ABCG1: variants seen among roughly 807,000 people sequenced by gnomAD.
ABCG1 encodes ATP-binding cassette sub-family G member 1.
ABCG1 carries 29 observed loss-of-function variants against 69.2 expected under a neutral mutation model. The ratio of observed to expected loss-of-function variants is 0.42; its 90% CI spans 0.31 to 0.57. The LOEUF (loss-of-function observed/expected upper bound fraction) is 0.57, where lower values mean the gene tolerates loss of function less well. Among genes scored for constraint, ABCG1 ranks in the 20% least tolerant of loss-of-function variants. The pLI, the probability that ABCG1 is intolerant of heterozygous loss-of-function variation, is 0.15. For synonymous variants in ABCG1, 370 were observed against 374.8 expected (o/e 0.99, Z 0.15); for missense variants, 718 against 898.1 (o/e 0.80, Z 2.56).
intron 2 of ABCG1, chr21:42,256,404 G>A (rs1245745540): frequency 2.6e-6 from 4 of 1,550,072 alleles, no homozygotes; most frequent in African/African-American, 2.7e-5. Context: ...AGACTGTGGT[G>A]TCTGGTCCCT....
intron 7 of ABCG1, among the ~76,000 whole-genome samples, chr21:42,285,619 G>A (rs1377707142): frequency 1.3e-5 from 2 of 152,174 alleles, no homozygotes; most frequent in Non-Finnish European, 2.9e-5. Context: ...CTGAGCAGGG[G>A]GTTAGCATGA....
At chr21:42,240,598 C>T (rs747853233) in intron 2 of ABCG1, among the ~76,000 whole-genome samples, 5 of 152,158 alleles carry the variant, frequency 3.3e-5, no homozygotes, top group Non-Finnish European at 5.9e-5. Flanking sequence ...TTACAGGCGC[C>T]CATCACACCC....
At position 42,294,095 on chromosome 21, in the gene ABCG1, C is replaced by T. The variant is rs73909004; in HGVS notation, c.1654-447C>T. ...TGCTTCGGTCTCTGGGCTGCCCTCC[C>T]GGAGGTGCTGACAGGCAGGCGTCCA... is the stretch of plus-strand genomic sequence containing the variant. On this transcript the variant is annotated intron_variant, in intron 13 of 14. Transcript: ENST00000398449. Among the ~76,000 whole-genome samples, 655 of 152,324 alleles carry T rather than the reference C, an allele frequency of 4.3e-3. 6 individuals carry two copies. The highest frequency in any genetic ancestry group is 0.015 in the African/African-American group (627 of 41,578).
intron 2 of ABCG1, chr21:42,256,085 T>C (rs1283276242): frequency 8.2e-7 from 1 of 1,224,688 alleles, no homozygotes; most frequent in African/African-American, 1.5e-5. Flanking sequence ...GTGCACCCTT[T>C]CTTTCCAAGG....
intron 4 of ABCG1, among the ~76,000 whole-genome samples, chr21:42,274,779 ATTT>A (rs35280343): frequency 6.7e-6 from 1 of 148,714 alleles, no homozygotes; most frequent in African/African-American, 2.5e-5. Context: ...GGCAGGGGCC[ATTT>A]TTTTTTTTAA....
intron 1 of ABCG1, among the ~76,000 whole-genome samples, chr21:42,200,469 T>C (rs2067497381): frequency 1.3e-5 from 2 of 152,156 alleles, no homozygotes; most frequent in African/African-American, 2.4e-5. Context: ...GCAGTCTTCA[T>C]ATATCAGGGG....
chr21:42,250,402 G>T (rs998155096), intron 2 of ABCG1, among the ~76,000 whole-genome samples: 1 of 152,150 alleles, frequency 6.6e-6, no homozygotes, highest in Admixed American at 6.5e-5. Context: ...AGTGGTCTTT[G>T]GTTTCCCGTG....
intron 6 of ABCG1, 93 bp downstream of exon 6, chr21:42,282,512 C>A (rs2068831213): frequency 6.3e-6 from 9 of 1,439,972 alleles, no homozygotes; most frequent in Middle Eastern, 2.1e-4. Context: ...CCTGATGTAG[C>A]CTCAGAGGGG....
At chr21:42,226,949 G>A (rs1247681157) in intron 2 of ABCG1, among the ~76,000 whole-genome samples, 2 of 152,160 alleles carry the variant, frequency 1.3e-5, no homozygotes, top group African/African-American at 2.4e-5. Flanking sequence ...CAAGACTCAC[G>A]TTTTAAATTT....
Position 42,287,882 on chromosome 21 carries a change from C to T in ABCG1, c.974-7C>T. Reference sequence around the variant, plus strand: ...CCCGGGCTGACCCCCGTCTGTGTCTCCTGCAGTCATGGAGGTTGCATCCGG... The same window carrying T: ...CCCGGGCTGACCCCCGTCTGTGTCTTCTGCAGTCATGGAGGTTGCATCCGG... On this transcript the variant is annotated splice_region_variant and splice_polypyrimidine_tract_variant and intron_variant, in intron 8 of 14. Transcript: ENST00000398449. This position sits in a 1 kb window ranked among gnomAD's most constrained non-coding sequence, Gnocchi z 6.2. 1 of 1,566,616 alleles carries T rather than the reference C, an allele frequency of 6.4e-7. No individual in the cohort carries two copies. The highest frequency in any genetic ancestry group is 8.7e-7 in the Non-Finnish European group (1 of 1,153,736).
intron 2 of ABCG1, among the ~76,000 whole-genome samples, chr21:42,210,074 C>G (rs1309744688): frequency 6.6e-6 from 1 of 152,200 alleles, no homozygotes; most frequent in Non-Finnish European, 1.5e-5. Flanking sequence ...GCTCTACTTC[C>G]CTGGGGGTGT....
intron 2 of ABCG1, among the ~76,000 whole-genome samples, chr21:42,235,699 T>C (rs138709434): frequency 6.6e-6 from 1 of 152,314 alleles, no homozygotes; most frequent in African/African-American, 2.4e-5. Flanking sequence ...TGTGGGGACC[T>C]AGGTTGTATC....
intron 2 of ABCG1, among the ~76,000 whole-genome samples, chr21:42,228,528 G>A (rs771935008): frequency 5.3e-5 from 8 of 152,220 alleles, no homozygotes; most frequent in Non-Finnish European, 8.8e-5. Context: ...AGAATAGAAA[G>A]GAAACTGAGA....
intron 2 of ABCG1, among the ~76,000 whole-genome samples, chr21:42,245,359 G>A (rs2068116319): frequency 6.6e-6 from 1 of 152,200 alleles, no homozygotes; most frequent in African/African-American, 2.4e-5. Context: ...TAAGGAACCA[G>A]AAAATTGCAT....
At chr21:42,275,979 C>T (rs1431419953) in intron 4 of ABCG1, among the ~76,000 whole-genome samples, 1 of 152,176 alleles carries the variant, frequency 6.6e-6, no homozygotes, top group Non-Finnish European at 1.5e-5. Flanking sequence ...GGCCTGAGAC[C>T]TCTTTGCCCC....
chr21:42,258,384 T>C, intron 2 of ABCG1, among the ~76,000 whole-genome samples: 1 of 138,922 alleles, frequency 7.2e-6, no homozygotes, highest in African/African-American at 2.7e-5. Flanking sequence ...TTTCCATCTC[T>C]CCCTCCATCC....
At position 42,276,811 on chromosome 21, in the gene ABCG1, C is replaced by A; in HGVS notation, c.538-84C>A. The A allele has an allele frequency of 2.1e-6, 3 of 1,413,260 alleles. No individual in the cohort carries two copies. The highest frequency in any genetic ancestry group is 3.0e-6 in the Non-Finnish European group (3 of 1,003,722). The allele number at this position is 1,413,260 out of a possible 1,614,324, so 87.5% of individuals were successfully genotyped here. A position where few individuals can be genotyped will look rare whatever the true frequency, so the allele number is the denominator to read the frequency against. On this transcript the variant is annotated intron_variant, in intron 4 of 14. Coordinates refer to ENST00000398449, the MANE Select transcript of ABCG1 (RefSeq NM_016818.3). The surrounding 1 kb of genome is among the most constrained non-coding windows in gnomAD (Gnocchi z 5.3). ...GCTAGCTGCATCTTGGCTAGCTGCA[C>A]CGTGGCCTGCAGTGCGGGCATGAGG...
intron 2 of ABCG1, among the ~76,000 whole-genome samples, chr21:42,251,549 G>C (rs2068221094): frequency 6.9e-6 from 1 of 144,224 alleles, no homozygotes; most frequent in African/African-American, 2.5e-5. Context: ...GGGATGATAG[G>C]GTGGTCCTTT....
chr21:42,290,089 G>C lies in ABCG1; in HGVS notation c.1264G>C (p.Gly422Arg). Residue 422 changes from glycine (G) to arginine (R), a missense_variant, in exon 11 of 15, where the codon GGC becomes CGC. By Grantham distance (125) the Gly-to-Arg change is moderately radical (BLOSUM62 -2). Transcript: ENST00000398449. ...HLRITSHIGI[G>R]LLIGLLYLGI... Reference sequence around the variant, plus strand: ...GCGCATCACCTCGCACATTGGGATCGGCCTCCTCATTGGCCTGCTGTACTT... The same window carrying C: ...GCGCATCACCTCGCACATTGGGATCCGCCTCCTCATTGGCCTGCTGTACTT... The C allele has an allele frequency of 1.9e-6, 3 of 1,614,208 alleles. No homozygotes were observed. Among genetic ancestry groups the C allele is most frequent in the Non-Finnish European group, 2.5e-6 (3 of 1,180,034 alleles).
Sources: allele counts gnomAD v4.1 joint callset (sites outside exome capture counted in the v4.1 genomes callset), GRCh38; gene constraint gnomAD v4.1.1; non-coding constraint Gnocchi (gnomAD v3.1); transcripts MANE v1.5; gene names NCBI Gene and HGNC (gene_info 2026-07-23, HGNC 2026-07-21).